The following SLC24A4 variants were observed in gnomAD, a reference collection of about 807,000 sequenced individuals.
The protein encoded by SLC24A4 is solute carrier family 24 member 4.
Under a neutral mutation model 79.0 loss-of-function variants are expected in SLC24A4, and 53 were observed. The observed-to-expected ratio is 0.67, with a 90% CI of 0.54 to 0.84. SLC24A4 has a LOEUF of 0.84. Ranked by LOEUF, SLC24A4 falls within the 40% of genes least tolerant of loss-of-function variation. The pLI, the probability that SLC24A4 is intolerant of heterozygous loss-of-function variation, is 0.00. For synonymous variants in SLC24A4, 323 were observed against 323.8 expected, an observed-to-expected ratio of 1.00 and a Z score of 0.03; for missense variants, 731 against 822.0, an observed-to-expected ratio of 0.89 and a Z score of 1.35.
intron 12 of SLC24A4, among the ~76,000 whole-genome samples, chr14:92,460,317 G>A (rs1460105974): frequency 6.6e-6 from 1 of 152,146 alleles, no homozygotes; most frequent in African/African-American, 2.4e-5. Context: ...GGATTGATCT[G>A]AGTAGCAAAT....
intron 14 of SLC24A4, among the ~76,000 whole-genome samples, chr14:92,489,814 C>T (rs568759296): frequency 6.6e-6 from 1 of 152,326 alleles, no homozygotes; most frequent in East Asian, 1.9e-4. Flanking sequence ...TCATCCCCTC[C>T]TCTGCAAACT....
chr14:92,382,491 C>T (rs1346332367), intron 2 of SLC24A4, among the ~76,000 whole-genome samples: 2 of 152,186 alleles, frequency 1.3e-5, no homozygotes, highest in African/African-American at 4.8e-5. Flanking sequence ...AGTAAGTGCT[C>T]AGTTCCTGTC....
intron 2 of SLC24A4, among the ~76,000 whole-genome samples, chr14:92,345,324 C>T (rs962610241): frequency 2.6e-5 from 4 of 152,212 alleles, no homozygotes; most frequent in Non-Finnish European, 1.5e-5. Context: ...ATGAACCCTT[C>T]TGCGCCTCTG....
intron 2 of SLC24A4, among the ~76,000 whole-genome samples, chr14:92,328,085 C>G (rs1885251869): frequency 1.3e-5 from 2 of 151,914 alleles, no homozygotes; most frequent in Admixed American, 6.5e-5. Context: ...TGGAAACATA[C>G]TGGGGTCACC....
intron 12 of SLC24A4, among the ~76,000 whole-genome samples, chr14:92,473,660 A>C (rs1227186042): frequency 6.6e-6 from 1 of 152,130 alleles, no homozygotes; most frequent in African/African-American, 2.4e-5. Flanking sequence ...GGACAGCTGG[A>C]ACCAGGAAAC....
rs771293217 is a variant in SLC24A4, at chr14:92,454,033, C to G, written c.1014C>G (p.Thr338=). 6.2e-7 allele frequency: 1 copy of G among 1,613,196 alleles called. No individual in the cohort carries two copies. The highest frequency in any genetic ancestry group is 8.5e-7 in the Non-Finnish European group (1 of 1,179,602). ...IMITNKFGPR[T]RLRMASRIII... ...TCACCAATAAGTTTGGACCCAGGAC[C>G]CGACTACGGATGGCCAGCAGGATCA... The change falls in exon 11 of 17, where the codon ACC becomes ACG. Residue 338 remains threonine (T), a synonymous_variant. Transcript: ENST00000532405.
rs1350794253 is a variant in SLC24A4 at position 92,325,204 on chromosome 14, CT to C, written c.131-663del. Among the ~76,000 whole-genome samples the C allele has an allele frequency of 3.9e-5, 6 of 152,304 alleles. No individual in the cohort carries two copies. The East Asian group carries it at 9.6e-4, about 24-fold the overall frequency. Reference sequence around the variant, plus strand: ...GCATCAGGAGAGGTAAATGAATACTCTGAAGGTCTTAAAGTGAGAATCATTT... The same window carrying C: ...GCATCAGGAGAGGTAAATGAATACTCGAAGGTCTTAAAGTGAGAATCATTT... On this transcript the variant is annotated intron_variant, in intron 1 of 16. Coordinates refer to ENST00000532405, the MANE Select transcript of SLC24A4 (RefSeq NM_153646.4).
intron 9 of SLC24A4, 72 bp downstream of exon 9, chr14:92,447,496 C>A (rs2139824753): frequency 1.4e-6 from 2 of 1,416,034 alleles, no homozygotes; most frequent in Non-Finnish European, 2.0e-6. Flanking sequence ...TTTGTGACAG[C>A]AGGGAGAAAA....
intron 13 of SLC24A4, among the ~76,000 whole-genome samples, chr14:92,485,273 G>T (rs554226130): frequency 3.9e-5 from 6 of 152,234 alleles, no homozygotes; most frequent in African/African-American, 1.4e-4. Flanking sequence ...AGACCAGCCT[G>T]GGCAACATAG....
rs142370180 is a variant in SLC24A4, at chr14:92,358,581, C to T, written c.241+32603C>T. Among the ~76,000 whole-genome samples, 124 of 152,086 alleles carry T rather than the reference C, an allele frequency of 8.2e-4. 3 individuals are homozygous for T. In the East Asian group the frequency reaches 0.021, roughly 25 times the overall value. On this transcript the variant is annotated intron_variant, in intron 2 of 16. Transcript: ENST00000532405. ...AATCCAGGAGGCACCCCCAACTTAA[C>T]ATGATCATTGAGGAACCCTCGATGT...
chr14:92,489,267 G>A (rs375798465), intron 14 of SLC24A4, among the ~76,000 whole-genome samples: 4 of 151,866 alleles, frequency 2.6e-5, no homozygotes, highest in Admixed American at 1.3e-4. Flanking sequence ...GTGAAACCCC[G>A]TCTCTACTAA....
intron 2 of SLC24A4, among the ~76,000 whole-genome samples, chr14:92,357,222 G>A (rs914690231): frequency 9.2e-5 from 14 of 152,296 alleles, no homozygotes; most frequent in Admixed American, 3.9e-4. Context: ...TCAGATTCAG[G>A]GAGAACAACT....
chr14:92,357,102 C>T (rs1015825608), intron 2 of SLC24A4, among the ~76,000 whole-genome samples: 3 of 152,172 alleles, frequency 2.0e-5, no homozygotes, highest in Admixed American at 6.5e-5. Context: ...AACCTTATTT[C>T]CCCGTTTCTT....
At chr14:92,424,699 C>CA (rs35472642) in intron 2 of SLC24A4, among the ~76,000 whole-genome samples, 31,756 of 143,364 alleles carry the variant, frequency 0.22, 3,608 homozygotes, top group Non-Finnish European at 0.26. Flanking sequence ...CTATCTCTAC[C>CA]AAAAAAAAAA....
chr14:92,364,753 C>G (rs918517424), intron 2 of SLC24A4, among the ~76,000 whole-genome samples: 1 of 152,210 alleles, frequency 6.6e-6, no homozygotes, highest in African/African-American at 2.4e-5. Flanking sequence ...CAGAGCCTCT[C>G]TATCAGTCAC....
intron 2 of SLC24A4, among the ~76,000 whole-genome samples, chr14:92,387,181 ATT>A (rs10660359): frequency 1.4e-5 from 2 of 140,396 alleles, no homozygotes; most frequent in Admixed American, 7.0e-5. Context: ...GGAGAGAAGT[ATT>A]TTTTTTTTTT....
At chr14:92,465,234 G>A (rs1894037975) in intron 12 of SLC24A4, among the ~76,000 whole-genome samples, 1 of 152,152 alleles carries the variant, frequency 6.6e-6, no homozygotes, top group Admixed American at 6.5e-5. Flanking sequence ...GAAGTGGGTG[G>A]GCCGGGACAG....
intron 2 of SLC24A4, among the ~76,000 whole-genome samples, chr14:92,374,806 A>G (rs930437069): frequency 3.3e-5 from 5 of 152,180 alleles, no homozygotes; most frequent in East Asian, 1.9e-4. Context: ...ATATTTTGCA[A>G]TTTGCTCACT....
intron 3 of SLC24A4, among the ~76,000 whole-genome samples, chr14:92,435,368 A>G (rs1486080804): frequency 6.6e-6 from 1 of 152,224 alleles, no homozygotes; most frequent in Non-Finnish European, 1.5e-5. Flanking sequence ...AGACACTCCT[A>G]TTCATTTCTG....
Sources: allele counts gnomAD v4.1 joint callset (sites outside exome capture counted in the v4.1 genomes callset), GRCh38; gene constraint gnomAD v4.1.1; transcripts MANE v1.5; gene names NCBI Gene and HGNC (gene_info 2026-07-23, HGNC 2026-07-21).